The following PALM2AKAP2 variants were observed in gnomAD, a reference collection of about 807,000 sequenced individuals.
The protein encoded by PALM2AKAP2 is PALM2-AKAP2 fusion protein.
PALM2AKAP2 carries 37 observed loss-of-function variants against 71.5 expected under a neutral mutation model. The observed-to-expected ratio is 0.52, with a 90% confidence interval of 0.40 to 0.68. The LOEUF (loss-of-function observed/expected upper bound fraction) is 0.68. Among genes scored for constraint, PALM2AKAP2 ranks in the 30% least tolerant of loss-of-function variants. PALM2AKAP2 has a pLI of 0.00. For synonymous variants in PALM2AKAP2, 468 were observed against 478.8 expected (o/e 0.98, Z 0.29); for missense variants, 1,224 against 1,191.8 (o/e 1.03, Z -0.40).
chr9:109,705,793 C>A (rs2118594671), intron 1 of PALM2AKAP2, among the ~76,000 whole-genome samples: 1 of 152,328 alleles, frequency 6.6e-6, no homozygotes, highest in East Asian at 1.9e-4. Flanking sequence ...AGTTGAGTCA[C>A]TTAACCTAGT....
intron 3 of PALM2AKAP2, among the ~76,000 whole-genome samples, chr9:110,158,806 C>A (rs969377593): frequency 2.6e-5 from 4 of 152,204 alleles, no homozygotes; most frequent in African/African-American, 9.7e-5. Flanking sequence ...TACAACAGAA[C>A]CAAGTTTGCT....
intron 5 of PALM2AKAP2, 34 bp downstream of exon 5, chr9:109,925,116 T>C: frequency 6.2e-7 from 1 of 1,613,964 alleles, no homozygotes; most frequent in Non-Finnish European, 8.5e-7. Flanking sequence ...TAGATGAATG[T>C]TTTAATCCTG....
intron 3 of PALM2AKAP2, among the ~76,000 whole-genome samples, chr9:109,888,074 C>T (rs1329701318): frequency 4.6e-5 from 7 of 152,162 alleles, no homozygotes; most frequent in Non-Finnish European, 8.8e-5. Flanking sequence ...TCATTTTGGG[C>T]TTGGCTCCTT....
chr9:110,104,898 G>A (rs898552262), intron 1 of PALM2AKAP2, among the ~76,000 whole-genome samples: 6 of 152,294 alleles, frequency 3.9e-5, no homozygotes, highest in African/African-American at 1.4e-4. Context: ...ATGGTAACAG[G>A]TGTGTCATAT....
chr9:109,838,849 C>T (rs954437820), intron 1 of PALM2AKAP2, among the ~76,000 whole-genome samples: 9 of 152,070 alleles, frequency 5.9e-5, no homozygotes, highest in African/African-American at 2.2e-4. Context: ...AAGTTGAATC[C>T]CTGAATAGAC....
intron 1 of PALM2AKAP2, among the ~76,000 whole-genome samples, chr9:109,816,580 A>G (rs1827859382): frequency 1.3e-5 from 2 of 152,302 alleles, no homozygotes; most frequent in South Asian, 4.1e-4. Context: ...GAGAGTGAAG[A>G]TCAAGGTCAT....
chr9:109,929,863 C>CAAAAAAAA (rs58029417), intron 5 of PALM2AKAP2, among the ~76,000 whole-genome samples: 1 of 69,414 alleles, frequency 1.4e-5, no homozygotes, highest in Non-Finnish European at 3.0e-5. Flanking sequence ...GACTCCATTT[C>CAAAAAAAA]AAAAAAAAAA....
intron 1 of PALM2AKAP2, among the ~76,000 whole-genome samples, chr9:110,125,102 A>G (rs1297164566): frequency 6.6e-6 from 1 of 152,204 alleles, no homozygotes; most frequent in African/African-American, 2.4e-5. Flanking sequence ...CACACGCACA[A>G]GCACACACCA....
At chr9:109,980,231 C>T (rs920517725) in intron 6 of PALM2AKAP2, among the ~76,000 whole-genome samples, 4 of 152,164 alleles carry the variant, frequency 2.6e-5, no homozygotes, top group African/African-American at 7.2e-5. Context: ...CTCCTCTTCT[C>T]AGTGTCCCTG....
intron 3 of PALM2AKAP2, among the ~76,000 whole-genome samples, chr9:110,161,723 A>G (rs1323738186): frequency 1.3e-5 from 2 of 152,126 alleles, no homozygotes; most frequent in Non-Finnish European, 2.9e-5. Flanking sequence ...AGAAAAGGCT[A>G]TTTGGCTACA....
intron 6 of PALM2AKAP2, among the ~76,000 whole-genome samples, chr9:109,965,803 A>AG (rs1831935968): frequency 6.6e-6 from 1 of 152,210 alleles, no homozygotes; most frequent in Non-Finnish European, 1.5e-5. Flanking sequence ...GGGGAAAAAA[A>AG]AGAGCTAAAA....
rs139399654 is a variant in PALM2AKAP2 at position 109,745,836 on chromosome 9, G to C, written c.6-34652G>C. The stretch of plus-strand genomic sequence containing the variant: ...AGTTGTAACCATGCAGCTTGGCTCT[G>C]GGCTTCATAAATTCAGACCCCAGAA... On this transcript the variant is annotated intron_variant, in intron 1 of 6. Coordinates refer to the PALM2AKAP2 transcript ENST00000374531. Among the ~76,000 whole-genome samples the C allele has an allele frequency of 9.1e-3, 1,391 of 152,184 alleles. 8 individuals carry two copies. Among genetic ancestry groups the C allele is most frequent in the South Asian group, 0.016 (79 of 4,818 alleles).
intron 1 of PALM2AKAP2, among the ~76,000 whole-genome samples, chr9:109,752,277 C>G (rs1564134680): frequency 6.6e-6 from 1 of 152,054 alleles, no homozygotes; most frequent in Non-Finnish European, 1.5e-5. Context: ...GGACGTGGAG[C>G]CTGAAGTGAC....
intron 1 of PALM2AKAP2, among the ~76,000 whole-genome samples, chr9:109,782,759 TG>T (rs1826850797): frequency 6.6e-6 from 1 of 151,676 alleles, no homozygotes; most frequent in Admixed American, 6.6e-5. Flanking sequence ...TGTGTGTGTG[TG>T]TGTGTGTGTG....
At chr9:110,169,726 A>C (rs1214766894) in exon 4 of PALM2AKAP2, 1 of 152,540 alleles carries the variant, frequency 6.6e-6, no homozygotes, top group Non-Finnish European at 1.5e-5. Flanking sequence ...AATCAGCTAC[A>C]AATCCTAAAG....
intron 6 of PALM2AKAP2, among the ~76,000 whole-genome samples, chr9:109,961,558 C>T (rs1831851683): frequency 6.6e-6 from 1 of 152,222 alleles, no homozygotes. Flanking sequence ...CCAGTTTGCA[C>T]ATGTTTTACC....
Position 109,948,330 on chromosome 9 carries a change from A to G in PALM2AKAP2, c.496+16302A>G, listed in dbSNP as rs76540104. On this transcript the variant is annotated intron_variant, in intron 6 of 9. Coordinates refer to the PALM2AKAP2 transcript ENST00000302798. ...GACCAGCTTCCCCAGCATAATTTTT[A>G]TATAACTCAAGTAAGCCTCTGCTTC... 4.2e-3 allele frequency among the ~76,000 whole-genome samples: 635 copies of G among 152,216 alleles called. 28 individuals are homozygous for G. In the East Asian group the frequency reaches 0.11, roughly 26 times the overall value.
At chr9:110,019,306 G>A (rs1231846717) in intron 7 of PALM2AKAP2, among the ~76,000 whole-genome samples, 2 of 151,514 alleles carry the variant, frequency 1.3e-5, no homozygotes, top group African/African-American at 2.4e-5. Flanking sequence ...TATTAAAAAG[G>A]CAAAATAACA....
chr9:109,998,522 A>G (rs1184268144), intron 6 of PALM2AKAP2, among the ~76,000 whole-genome samples: 1 of 150,906 alleles, frequency 6.6e-6, no homozygotes, highest in Non-Finnish European at 1.5e-5. Context: ...GCGCCTCACC[A>G]TGTCCTCTCC....
Sources: gnomAD v4.1 joint callset for allele counts (sites outside exome capture counted in the v4.1 genomes callset) on GRCh38, gnomAD v4.1.1 for gene constraint, MANE v1.5 for transcripts, NCBI Gene and HGNC (gene_info 2026-07-23, HGNC 2026-07-21) for gene names.